CNBD1: variants seen among roughly 807,000 people sequenced by gnomAD.
The protein encoded by CNBD1 is cyclic nucleotide-binding domain-containing protein 1.
CNBD1 carries 71 observed loss-of-function variants against 54.4 expected under a neutral mutation model. The observed-to-expected ratio is 1.30, with a 90% confidence interval of 1.08 to 1.59. The LOEUF (loss-of-function observed/expected upper bound fraction) is 1.59. Ranked by LOEUF, CNBD1 falls within the 40% of genes most tolerant of loss-of-function variation. The pLI is 0.00. For synonymous variants in CNBD1, 182 were observed against 170.7 expected, an observed-to-expected ratio of 1.07 and a Z score of -0.51; for missense variants, 659 against 518.0, an observed-to-expected ratio of 1.27 and a Z score of -2.64.
chr8:87,204,778 C>T (rs1444472046), intron 4 of CNBD1, among the ~76,000 whole-genome samples: 1 of 152,080 alleles, frequency 6.6e-6, no homozygotes, highest in African/African-American at 2.4e-5. Context: ...TTCCTTGCCA[C>T]CTCCTGTTTG....
Position 87,420,254 on chromosome 8 carries a change from A to T in CNBD1, c.214-8292A>T, listed in dbSNP as rs142003675. On this transcript the variant is annotated intron_variant, in intron 2 of 7. Transcript: ENST00000521593. ...TTTGTGTAAGCACTATAATGAAAAT[A>T]TGTCAACTCTTGAGGGCATTCTTCT... 3.7e-3 allele frequency among the ~76,000 whole-genome samples: 570 copies of T among 152,108 alleles called. 6 individuals carry two copies. The highest frequency in any genetic ancestry group is 0.013 in the African/African-American group (554 of 41,534).
chr8:87,273,101 A>G (rs188844225), intron 6 of CNBD1, among the ~76,000 whole-genome samples: 3 of 152,104 alleles, frequency 2.0e-5, no homozygotes, highest in African/African-American at 7.2e-5. Flanking sequence ...GGAAAATTTT[A>G]AAATTTCAAA....
At chr8:87,235,037 T>C (rs1807556795) in intron 5 of CNBD1, among the ~76,000 whole-genome samples, 1 of 152,210 alleles carries the variant, frequency 6.6e-6, no homozygotes. Flanking sequence ...ATGTCTTCTA[T>C]CTTTAAACCT....
intron 4 of CNBD1, among the ~76,000 whole-genome samples, chr8:87,121,903 C>T (rs1019424270): frequency 5.3e-5 from 8 of 151,426 alleles, no homozygotes; most frequent in African/African-American, 1.7e-4. Flanking sequence ...TATATACACA[C>T]ACATATGACA....
chr8:87,036,120 T>G (rs1270932612), intron 4 of CNBD1, among the ~76,000 whole-genome samples: 1 of 152,210 alleles, frequency 6.6e-6, no homozygotes, highest in Non-Finnish European at 1.5e-5. Context: ...TTTTCCATTT[T>G]TATTTCTTGA....
At chr8:87,208,504 T>C (rs1047487207) in intron 5 of CNBD1, among the ~76,000 whole-genome samples, 9 of 152,130 alleles carry the variant, frequency 5.9e-5, no homozygotes, top group African/African-American at 2.2e-4. Flanking sequence ...TACGTAGATA[T>C]AATTTACTGA....
chr8:87,267,508 CAAAG>C (rs1808286084), intron 6 of CNBD1, among the ~76,000 whole-genome samples: 2 of 152,106 alleles, frequency 1.3e-5, no homozygotes, highest in South Asian at 2.1e-4. Flanking sequence ...TGGCTTATAA[CAAAG>C]AAATCGTATC....
chr8:86,906,682 A>G (rs1369374290), intron 3 of CNBD1, among the ~76,000 whole-genome samples: 1 of 152,218 alleles, frequency 6.6e-6, no homozygotes, highest in African/African-American at 2.4e-5. Context: ...GCTTTTATGG[A>G]TAGCTGATAT....
At chr8:86,955,948 G>A (rs1280601692) in intron 4 of CNBD1, among the ~76,000 whole-genome samples, 1 of 152,114 alleles carries the variant, frequency 6.6e-6, no homozygotes, top group Non-Finnish European at 1.5e-5. Flanking sequence ...TTCTTCTAGG[G>A]TTTTTATGGT....
At chr8:87,386,412 T>C (rs1217928011), downstream of CNBD1, among the ~76,000 whole-genome samples, 1 of 151,130 alleles carries the variant, frequency 6.6e-6, no homozygotes, top group East Asian at 1.9e-4. Context: ...TACAGAGAAG[T>C]CCTTAAAGGA....
chr8:87,068,547 C>T (rs944721213), intron 4 of CNBD1, among the ~76,000 whole-genome samples: 10 of 151,894 alleles, frequency 6.6e-5, no homozygotes, highest in East Asian at 1.9e-4. Context: ...TGAGCCTGGA[C>T]GTGTCTTGTT....
At chr8:87,407,712 A>G (rs1234954466) in intron 2 of CNBD1, among the ~76,000 whole-genome samples, 1 of 151,898 alleles carries the variant, frequency 6.6e-6, no homozygotes, top group Non-Finnish European at 1.5e-5. Context: ...AGGTAACCCT[A>G]TCTCACAGTT....
At chr8:87,139,495 C>T (rs1359291446) in intron 4 of CNBD1, among the ~76,000 whole-genome samples, 3 of 152,120 alleles carry the variant, frequency 2.0e-5, no homozygotes, top group Non-Finnish European at 2.9e-5. Context: ...TTCCCTGTGC[C>T]ATGTGATCAA....
At chr8:86,905,855 T>C (rs1340804688) in intron 3 of CNBD1, among the ~76,000 whole-genome samples, 1 of 152,200 alleles carries the variant, frequency 6.6e-6, no homozygotes, top group Non-Finnish European at 1.5e-5. Flanking sequence ...AAAGGCATTT[T>C]CACTTCCTGG....
chr8:87,094,515 G>T (rs1323212342), intron 4 of CNBD1, among the ~76,000 whole-genome samples: 1 of 150,616 alleles, frequency 6.6e-6, no homozygotes, highest in Non-Finnish European at 1.5e-5. Flanking sequence ...AAGAAGGACT[G>T]CTGTATTGTC....
At chr8:86,953,414 CA>C (rs1807676014) in intron 4 of CNBD1, among the ~76,000 whole-genome samples, 1 of 152,166 alleles carries the variant, frequency 6.6e-6, no homozygotes, top group Admixed American at 6.5e-5. Flanking sequence ...GAAATTTGGT[CA>C]CCTCTGTGAT....
chr8:87,289,321 T>C lies in CNBD1; in HGVS notation c.1042+2650T>C, dbSNP rs148358787. On this transcript the variant is annotated intron_variant, in intron 8 of 10. Transcript: ENST00000518476. ...CTTACATCTTCCTACTTTTGCTTCA[T>C]ATGCCAAGGGAACCTTATTATAATG... Among the ~76,000 whole-genome samples the C allele has an allele frequency of 1.3e-3, 204 of 152,254 alleles. 1 individual carries two copies. Among genetic ancestry groups the C allele is most frequent in the South Asian group, 0.01 (50 of 4,830 alleles).
chr8:86,964,161 C>T (rs1412431997), intron 4 of CNBD1, among the ~76,000 whole-genome samples: 2 of 98 alleles, frequency 0.02, no homozygotes, highest in African/African-American at 0.14. Flanking sequence ...CTGAAGTCCC[C>T]TCTTAGATTT....
chr8:87,339,681 T>A (rs1406202318), intron 8 of CNBD1, among the ~76,000 whole-genome samples: 1 of 152,070 alleles, frequency 6.6e-6, no homozygotes, highest in Non-Finnish European at 1.5e-5. Flanking sequence ...ATTTTTAATA[T>A]ATATTTCCTT....
Sources: allele counts gnomAD v4.1 joint callset (sites outside exome capture counted in the v4.1 genomes callset), GRCh38; gene constraint gnomAD v4.1.1; transcripts MANE v1.5; gene names NCBI Gene and HGNC (gene_info 2026-07-23, HGNC 2026-07-21).